The following HCLS1 variants were observed in gnomAD, a reference collection of about 807,000 sequenced individuals.
HCLS1 encodes the protein hematopoietic cell-specific Lyn substrate 1.
In HCLS1, 44 loss-of-function variants were observed where a neutral mutation model predicts 68.6. That is an observed-to-expected ratio of 0.64 (90% CI 0.50 to 0.82). The LOEUF (loss-of-function observed/expected upper bound fraction) is 0.82. Among genes scored for constraint, HCLS1 ranks in the 40% least tolerant of loss-of-function variants. The probability of loss-of-function intolerance (pLI) is 0.00; values close to 1 mark genes in which losing one functional copy is unlikely to be tolerated. For missense variants in HCLS1, 602 were observed against 612.1 expected (o/e 0.98, Z 0.17); for synonymous variants, 217 against 225.8 (o/e 0.96, Z 0.35).
chr3:121,635,405 G>A (rs1353741190), intron 9 of HCLS1, among the ~76,000 whole-genome samples: 1 of 151,892 alleles, frequency 6.6e-6, no homozygotes, highest in Non-Finnish European at 1.5e-5. Context: ...AGCCTCCCAA[G>A]TAGCTGGGAT....
intron 1 of HCLS1, among the ~76,000 whole-genome samples, chr3:121,660,159 C>T (rs1469769382): frequency 2.0e-5 from 3 of 152,168 alleles, no homozygotes; most frequent in African/African-American, 7.2e-5. Flanking sequence ...AGAGTAGGTA[C>T]TCATTTGCCA....
At chr3:121,658,049 A>C in intron 2 of HCLS1, 1 of 524,002 alleles carries the variant, frequency 1.9e-6, no homozygotes, top group Non-Finnish European at 3.4e-6. Context: ...CACACTGTCA[A>C]ACTCACCCAC....
intron 1 of HCLS1, among the ~76,000 whole-genome samples, chr3:121,658,879 T>G (rs1289471671): frequency 6.6e-6 from 1 of 152,204 alleles, no homozygotes; most frequent in Non-Finnish European, 1.5e-5. Flanking sequence ...CTGGTCCAAG[T>G]GCTGTCCCAC....
chr3:121,634,444 G>A (rs34667636), intron 9 of HCLS1, 26 bp from the exon 10 acceptor site: 415,073 of 1,602,780 alleles, frequency 0.26, 58,505 homozygotes, highest in Non-Finnish European at 0.29. Context: ...AGAAAAATTA[G>A]GGTTGTCTTG....
At chr3:121,635,072 C>T (rs919962487) in intron 9 of HCLS1, among the ~76,000 whole-genome samples, 23 of 152,248 alleles carry the variant, frequency 1.5e-4, no homozygotes, top group Middle Eastern at 3.4e-3. Flanking sequence ...GTGTGTTCTT[C>T]CCAAGTGGTT....
chr3:121,642,881 C>G (rs747714866), intron 6 of HCLS1, 46 bp downstream of exon 6: 7 of 1,473,260 alleles, frequency 4.8e-6, no homozygotes, highest in Non-Finnish European at 6.7e-6. Context: ...AGCAGAAGAG[C>G]CTGCCGGTCA....
Position 121,652,405 on chromosome 3 carries a change from G to A in HCLS1, c.158+4874C>T, listed in dbSNP as rs570325206. Among the ~76,000 whole-genome samples the A allele has an allele frequency of 2.0e-5, 3 of 152,298 alleles. No homozygotes were observed. In the South Asian group the frequency reaches 6.2e-4, roughly 32 times the overall value. On this transcript the variant is annotated intron_variant, in intron 3 of 13. Coordinates refer to ENST00000314583, the MANE Select transcript of HCLS1 (RefSeq NM_005335.6). ...ATGGTGGCTTACACCTGTAATCCCA[G>A]CACTGTAGGAGGCCGAGGCAGGCGG...
At chr3:121,657,738 A>G (rs1442820136) in intron 2 of HCLS1, among the ~76,000 whole-genome samples, 6 of 152,130 alleles carry the variant, frequency 3.9e-5, no homozygotes, top group Non-Finnish European at 5.9e-5. Context: ...GAGGTAGGAG[A>G]ATCGCTTGAA....
chr3:121,654,814 C>T (rs1352944207), intron 3 of HCLS1, among the ~76,000 whole-genome samples: 1 of 152,182 alleles, frequency 6.6e-6, no homozygotes, highest in Non-Finnish European at 1.5e-5. Context: ...CTACTGTTCT[C>T]CTCTCCAATT....
chr3:121,652,924 T>C (rs868017852), intron 3 of HCLS1, among the ~76,000 whole-genome samples: 5 of 152,136 alleles, frequency 3.3e-5, no homozygotes, highest in Admixed American at 1.3e-4. Flanking sequence ...AAACAATATA[T>C]TGGTTAAGAT....
chr3:121,636,326 C>T (rs1331369441), intron 8 of HCLS1, 108 bp downstream of exon 8: 1 of 898,136 alleles, frequency 1.1e-6, no homozygotes, highest in East Asian at 2.4e-5. Context: ...GCTCTGTGTG[C>T]CCAGCACCAC....
At chr3:121,655,934 T>C (rs1325750113) in intron 3 of HCLS1, 1 of 151,788 alleles carries the variant, frequency 6.6e-6, no homozygotes, top group Non-Finnish European at 1.5e-5. Context: ...CTGCAACCTG[T>C]GCCTCCTGGG....
At chr3:121,642,640 G>A (rs931465796) in intron 6 of HCLS1, among the ~76,000 whole-genome samples, 2 of 152,084 alleles carry the variant, frequency 1.3e-5, no homozygotes, top group African/African-American at 2.4e-5. Flanking sequence ...GCCAGGCATG[G>A]TGGTGCACAC....
At chr3:121,639,200 T>C (rs780717219) in intron 6 of HCLS1, among the ~76,000 whole-genome samples, 7 of 152,184 alleles carry the variant, frequency 4.6e-5, no homozygotes, top group Non-Finnish European at 8.8e-5. Flanking sequence ...CCAAACATTA[T>C]CAACTAATAA....
At chr3:121,646,709 A>T (rs1271285570) in intron 4 of HCLS1, among the ~76,000 whole-genome samples, 1 of 127,604 alleles carries the variant, frequency 7.8e-6, no homozygotes, top group African/African-American at 2.9e-5. Flanking sequence ...ACATTATATT[A>T]TATTTATAAC....
intron 3 of HCLS1, 70 bp from the exon 4 acceptor site, chr3:121,647,518 T>C (rs1937640079): frequency 6.4e-7 from 1 of 1,562,594 alleles, no homozygotes; most frequent in Non-Finnish European, 8.8e-7. Context: ...CCCAGAAAAA[T>C]GGAAGCCTTG....
rs2049115001 is a variant in HCLS1 at position 121,633,035 on chromosome 3, TGG to T, written c.1008+30_1008+31del. On this transcript the variant is annotated intron_variant, in intron 11 of 13. Coordinates refer to ENST00000314583, the MANE Select transcript of HCLS1 (RefSeq NM_005335.6). The stretch of plus-strand genomic sequence containing the variant: ...ATTCCTAAGACTCGAGAAGATGGGG[TGG>T]GGGCAGAGAATCTTTGGGGGTTTGC... 4 of 1,430,562 alleles carry T rather than the reference TGG, an allele frequency of 2.8e-6. No homozygotes were observed. The Admixed American group carries it at 6.8e-5, about 24-fold the overall frequency. 88.6% of individuals were successfully genotyped at this position (1,430,562 alleles called of 1,614,324 possible).
chr3:121,641,807 C>T (rs10934555), intron 6 of HCLS1, among the ~76,000 whole-genome samples: 1 of 151,868 alleles, frequency 6.6e-6, no homozygotes, highest in African/African-American at 2.4e-5. Context: ...TATGGCCAGG[C>T]GCGGTGACTC....
chr3:121,636,812 T>C (rs1358301951), intron 7 of HCLS1, among the ~76,000 whole-genome samples: 1 of 152,184 alleles, frequency 6.6e-6, no homozygotes, highest in Non-Finnish European at 1.5e-5. Flanking sequence ...TAAACCTCTT[T>C]ATCCTCTGTG....
Sources: allele counts gnomAD v4.1 joint callset (sites outside exome capture counted in the v4.1 genomes callset), GRCh38; gene constraint gnomAD v4.1.1; transcripts MANE v1.5; gene names NCBI Gene and HGNC (gene_info 2026-07-23, HGNC 2026-07-21).